The following SGCD variants were observed in gnomAD, a reference collection of about 807,000 sequenced individuals.
SGCD encodes the protein delta-sarcoglycan.
Under a neutral mutation model 36.6 loss-of-function variants are expected in SGCD, and 18 were observed. That is an observed-to-expected ratio of 0.49 (90% CI 0.34 to 0.73). The LOEUF is 0.73. Ranked by LOEUF, SGCD falls within the 30% of genes least tolerant of loss-of-function variation. The pLI, the probability that SGCD is intolerant of heterozygous loss-of-function variation, is 0.01. For missense variants in SGCD, 387 were observed against 346.7 expected (o/e 1.12, Z -0.92); for synonymous variants, 133 against 130.6 (o/e 1.02, Z -0.12).
intron 1 of SGCD, among the ~76,000 whole-genome samples, chr5:155,951,954 T>C (rs1245003425): frequency 6.6e-6 from 1 of 152,226 alleles, no homozygotes; most frequent in Non-Finnish European, 1.5e-5. Context: ...ACTTGATCTT[T>C]GACTGGATTC....
At chr5:156,335,036 T>C (rs1308752449) in intron 2 of SGCD, among the ~76,000 whole-genome samples, 1 of 152,198 alleles carries the variant, frequency 6.6e-6, no homozygotes, top group Non-Finnish European at 1.5e-5. Context: ...ACTCCTGAAT[T>C]CCTTAGGACC....
intron 1 of SGCD, among the ~76,000 whole-genome samples, chr5:156,025,530 G>T (rs552108272): frequency 6.6e-6 from 1 of 152,284 alleles, no homozygotes; most frequent in East Asian, 1.9e-4. Context: ...ATCCTTTGCA[G>T]TTTTACCCAG....
intron 3 of SGCD, among the ~76,000 whole-genome samples, chr5:156,179,055 T>G (rs1202531829): frequency 6.6e-6 from 1 of 152,192 alleles, no homozygotes; most frequent in Admixed American, 6.5e-5. Context: ...AAAATGACTG[T>G]TGACATGTGA....
chr5:155,928,449 C>T (rs1222933136), intron 1 of SGCD, among the ~76,000 whole-genome samples: 1 of 151,928 alleles, frequency 6.6e-6, no homozygotes, highest in Non-Finnish European at 1.5e-5. Flanking sequence ...GGGTGGATCT[C>T]CTGAAGTCAG....
At chr5:156,712,376 A>G (rs1444634885) in intron 7 of SGCD, among the ~76,000 whole-genome samples, 1 of 152,204 alleles carries the variant, frequency 6.6e-6, no homozygotes, top group African/African-American at 2.4e-5. Context: ...AGCTGTTGGT[A>G]TAGAGAGTGT....
intron 7 of SGCD, among the ~76,000 whole-genome samples, chr5:156,685,510 G>C (rs1435850454): frequency 6.6e-6 from 1 of 152,138 alleles, no homozygotes; most frequent in Non-Finnish European, 1.5e-5. Flanking sequence ...AGAGTAGAAA[G>C]GGCCATCAGC....
intron 3 of SGCD, among the ~76,000 whole-genome samples, chr5:156,227,531 A>G (rs552881462): frequency 1.3e-5 from 2 of 152,058 alleles, no homozygotes; most frequent in Admixed American, 6.5e-5. Flanking sequence ...AAATCAGGTA[A>G]TGTGATGCCT....
intron 3 of SGCD, among the ~76,000 whole-genome samples, chr5:156,364,369 AT>A (rs34108692): frequency 0.45 from 67,076 of 148,612 alleles, 15,100 homozygotes; most frequent in East Asian, 0.78. Flanking sequence ...TCAGGGCTAC[AT>A]TTTTTTTTTT....
chr5:156,372,511 AT>A (rs1770438811), intron 3 of SGCD, among the ~76,000 whole-genome samples: 1 of 151,984 alleles, frequency 6.6e-6, no homozygotes. Context: ...ATTTCACCTC[AT>A]CCTCCCTTTG....
chr5:156,566,623 CT>C (rs1759489268), intron 4 of SGCD, among the ~76,000 whole-genome samples: 1 of 152,060 alleles, frequency 6.6e-6, no homozygotes. Context: ...TAATAAACCC[CT>C]GTTTTTCTTT....
intron 4 of SGCD, among the ~76,000 whole-genome samples, chr5:156,535,469 A>T (rs1407765937): frequency 6.6e-6 from 1 of 152,024 alleles, no homozygotes; most frequent in African/African-American, 2.4e-5. Context: ...CCATGTTGAA[A>T]CTCAACTTGA....
intron 3 of SGCD, among the ~76,000 whole-genome samples, chr5:156,262,628 G>A (rs1330491133): frequency 2.6e-5 from 4 of 151,856 alleles, no homozygotes; most frequent in Non-Finnish European, 4.4e-5. Flanking sequence ...ATTTTGGTGC[G>A]CTCATCACCT....
At chr5:156,612,767 T>C (rs57911436) in intron 6 of SGCD, among the ~76,000 whole-genome samples, 5,456 of 152,284 alleles carry the variant, frequency 0.036, 325 homozygotes, top group African/African-American at 0.12. Flanking sequence ...GAGCAGCATG[T>C]ACTCTAGCAG....
At chr5:156,120,482 T>G (rs911884016) in intron 2 of SGCD, among the ~76,000 whole-genome samples, 7 of 152,174 alleles carry the variant, frequency 4.6e-5, no homozygotes, top group Admixed American at 1.3e-4. Flanking sequence ...GAACAAAGGC[T>G]TAATGAAGGT....
At chr5:156,705,894 C>T (rs898043122) in intron 7 of SGCD, among the ~76,000 whole-genome samples, 11 of 152,086 alleles carry the variant, frequency 7.2e-5, no homozygotes, top group African/African-American at 1.9e-4. Flanking sequence ...TCTTGTCCTT[C>T]GCTACTATTT....
chr5:156,638,435 C>T (rs957726898), intron 6 of SGCD, among the ~76,000 whole-genome samples: 20 of 152,300 alleles, frequency 1.3e-4, no homozygotes, highest in African/African-American at 4.8e-4. Flanking sequence ...TCTTAGGACA[C>T]ACAGTGCATC....
chr5:156,499,230 C>T (rs1756344116), intron 3 of SGCD, among the ~76,000 whole-genome samples: 1 of 152,062 alleles, frequency 6.6e-6, no homozygotes, highest in Admixed American at 6.6e-5. Context: ...CAGTGCAGAC[C>T]ATGTGCTTTG....
At chr5:156,564,396 G>A (rs1302265516) in intron 4 of SGCD, among the ~76,000 whole-genome samples, 1 of 152,312 alleles carries the variant, frequency 6.6e-6, no homozygotes, top group East Asian at 1.9e-4. Context: ...CTTGCAGTGA[G>A]CTGAGATCAT....
chr5:155,911,988 C>T (rs528514990), intron 1 of SGCD, among the ~76,000 whole-genome samples: 1 of 152,108 alleles, frequency 6.6e-6, no homozygotes, highest in Admixed American at 6.5e-5. Flanking sequence ...CTATCTCTTG[C>T]CCAAGAATTT....
Sources: gnomAD v4.1 joint callset for allele counts (sites outside exome capture counted in the v4.1 genomes callset) on GRCh38, gnomAD v4.1.1 for gene constraint, MANE v1.5 for transcripts, NCBI Gene and HGNC (gene_info 2026-07-23, HGNC 2026-07-21) for gene names.